Variants in MARCHF1 observed in about 807,000 individuals in gnomAD.
The protein encoded by MARCHF1 is membrane associated ring-CH-type finger 1, also known as E3 ubiquitin-protein ligase MARCHF1.
Under a neutral mutation model 54.2 loss-of-function variants are expected in MARCHF1, and 40 were observed. The observed-to-expected ratio is 0.74, with a 90% CI of 0.57 to 0.96. MARCHF1 has a LOEUF of 0.96. Among genes scored for constraint, MARCHF1 ranks in the 40% least tolerant of loss-of-function variants. MARCHF1 has a pLI of 0.00. For synonymous variants in MARCHF1, 236 were observed against 236.3 expected (o/e 1.00, Z 0.01); for missense variants, 586 against 656.5 (o/e 0.89, Z 1.17).
chr4:164,138,192 T>G (rs990665569), intron 1 of MARCHF1, among the ~76,000 whole-genome samples: 4 of 152,158 alleles, frequency 2.6e-5, no homozygotes, highest in Non-Finnish European at 5.9e-5. Flanking sequence ...ATCTGGTTTA[T>G]TTTTTACTGA....
At chr4:163,711,779 CTCTTA>C (rs1032102956) in intron 4 of MARCHF1, among the ~76,000 whole-genome samples, 2 of 152,152 alleles carry the variant, frequency 1.3e-5, no homozygotes, top group African/African-American at 2.4e-5. Context: ...ATACAACTAT[CTCTTA>C]TATTTTCAAT....
intron 1 of MARCHF1, among the ~76,000 whole-genome samples, chr4:164,331,939 G>A (rs758292216): frequency 1.3e-5 from 2 of 152,138 alleles, no homozygotes; most frequent in South Asian, 2.1e-4. Context: ...TAGTCCCAAC[G>A]GTTTTGTTCA....
At chr4:164,277,274 T>G (rs538744279) in intron 1 of MARCHF1, among the ~76,000 whole-genome samples, 1 of 152,136 alleles carries the variant, frequency 6.6e-6, no homozygotes, top group African/African-American at 2.4e-5. Flanking sequence ...TACAGCAATA[T>G]CTGACAAACA....
intron 1 of MARCHF1, among the ~76,000 whole-genome samples, chr4:164,264,923 AAAAAAAAAC>A (rs1232435137): frequency 2.0e-5 from 3 of 150,170 alleles, no homozygotes; most frequent in Non-Finnish European, 4.4e-5. Context: ...TCTGTCGAAA[AAAAAAAAAC>A]AAAAAAAACA....
At chr4:164,307,506 G>A (rs1734727264) in intron 1 of MARCHF1, among the ~76,000 whole-genome samples, 1 of 152,216 alleles carries the variant, frequency 6.6e-6, no homozygotes, top group South Asian at 2.1e-4. Flanking sequence ...TCCCAACCCT[G>A]TGTAATCCTT....
chr4:164,114,136 G>A (rs181123550), intron 1 of MARCHF1, among the ~76,000 whole-genome samples: 1 of 151,914 alleles, frequency 6.6e-6, no homozygotes, highest in Admixed American at 6.6e-5. Flanking sequence ...AAGTAGCTGA[G>A]CTTCAAAACA....
intron 1 of MARCHF1, among the ~76,000 whole-genome samples, chr4:164,124,281 A>G (rs1756134770): frequency 6.6e-6 from 1 of 152,118 alleles, no homozygotes; most frequent in Non-Finnish European, 1.5e-5. Context: ...TCAATAACAA[A>G]TGCTGGTGAG....
At chr4:163,532,885 C>T (rs979956283) in intron 9 of MARCHF1, among the ~76,000 whole-genome samples, 3 of 151,872 alleles carry the variant, frequency 2.0e-5, no homozygotes, top group Non-Finnish European at 4.4e-5. Flanking sequence ...GGATGTGGAA[C>T]GACAAGCAGG....
At chr4:164,107,271 T>G (rs1007899002) in intron 2 of MARCHF1, among the ~76,000 whole-genome samples, 3 of 137,798 alleles carry the variant, frequency 2.2e-5, no homozygotes, top group Non-Finnish European at 4.4e-5. Flanking sequence ...TTAAATTGGA[T>G]AATATTTAAC....
intron 1 of MARCHF1, among the ~76,000 whole-genome samples, chr4:164,140,027 A>G (rs1381930160): frequency 6.6e-6 from 1 of 151,984 alleles, no homozygotes; most frequent in Admixed American, 6.6e-5. Context: ...AAATCTAAGG[A>G]CCAGTTAACA....
intron 2 of MARCHF1, among the ~76,000 whole-genome samples, chr4:164,006,940 C>A (rs1168845517): frequency 1.7e-5 from 2 of 117,946 alleles, no homozygotes; most frequent in African/African-American, 3.2e-5. Flanking sequence ...AGATAATTCA[C>A]CACCATCATT....
At chr4:164,201,411 AG>A (rs1731451191) in intron 1 of MARCHF1, among the ~76,000 whole-genome samples, 1 of 152,070 alleles carries the variant, frequency 6.6e-6, no homozygotes, top group Non-Finnish European at 1.5e-5. Flanking sequence ...TAGTAGAGAC[AG>A]GGTTTCACCA....
chr4:164,077,231 C>T (rs1755000587), intron 2 of MARCHF1, among the ~76,000 whole-genome samples: 1 of 152,166 alleles, frequency 6.6e-6, no homozygotes, highest in African/African-American at 2.4e-5. Flanking sequence ...TGCCACATAT[C>T]TGCAACTATC....
chr4:163,620,506 A>T (rs888498459), intron 5 of MARCHF1, among the ~76,000 whole-genome samples: 1 of 151,768 alleles, frequency 6.6e-6, no homozygotes, highest in Non-Finnish European at 1.5e-5. Flanking sequence ...GTTGGAAACA[A>T]CCCAAGTGTT....
intron 3 of MARCHF1, among the ~76,000 whole-genome samples, chr4:163,892,412 T>A (rs1420992572): frequency 1.3e-5 from 2 of 152,056 alleles, no homozygotes; most frequent in Non-Finnish European, 2.9e-5. Flanking sequence ...TCCCACTGAA[T>A]GGCCCACCCT....
intron 1 of MARCHF1, among the ~76,000 whole-genome samples, chr4:164,177,836 G>C (rs867988750): frequency 3.0e-5 from 4 of 135,394 alleles, no homozygotes; most frequent in South Asian, 4.6e-4. Context: ...CACACACAGA[G>C]AGACAAAGAA....
At chr4:164,291,490 G>C (rs1293716818) in intron 1 of MARCHF1, among the ~76,000 whole-genome samples, 1 of 151,934 alleles carries the variant, frequency 6.6e-6, no homozygotes, top group Non-Finnish European at 1.5e-5. Flanking sequence ...ACTTTATTCA[G>C]TACAGTCATA....
At chr4:163,758,064 A>AT (rs1167372756) in intron 4 of MARCHF1, among the ~76,000 whole-genome samples, 2 of 152,188 alleles carry the variant, frequency 1.3e-5, no homozygotes, top group Non-Finnish European at 2.9e-5. Flanking sequence ...AGTTTTATTC[A>AT]TTTTTTAATC....
intron 1 of MARCHF1, chr4:164,197,227 C>G: frequency 6.2e-7 from 1 of 1,610,532 alleles, no homozygotes. Flanking sequence ...GTCATCCAGG[C>G]CCTCCACGTG....
Sources: gnomAD v4.1 joint callset for allele counts (sites outside exome capture counted in the v4.1 genomes callset) on GRCh38, gnomAD v4.1.1 for gene constraint, MANE v1.5 for transcripts, NCBI Gene and HGNC (gene_info 2026-07-23, HGNC 2026-07-21) for gene names.